Variants in LRP4 observed in about 807,000 individuals in gnomAD.
LRP4 encodes the protein low-density lipoprotein receptor-related protein 4.
In LRP4, 95 loss-of-function variants were observed where a neutral mutation model predicts 220.3. That is an observed-to-expected ratio of 0.43 (90% CI 0.37 to 0.51). The LOEUF is 0.51. LRP4 is among the 20% of genes least tolerant of loss of function. The pLI, the probability that LRP4 is intolerant of heterozygous loss-of-function variation, is 0.00. For missense variants in LRP4, 1,925 were observed against 2,567.0 expected (o/e 0.75, Z 5.40); for synonymous variants, 903 against 954.6 (o/e 0.95, Z 1.00).
At chr11:46,912,156 T>A (rs1417514550) in intron 1 of LRP4, among the ~76,000 whole-genome samples, 1 of 152,208 alleles carries the variant, frequency 6.6e-6, no homozygotes, top group Admixed American at 6.5e-5. Context: ...ACCTGGCCAA[T>A]GTAAGACGGG....
rs543249288 is a variant in LRP4, at chr11:46,866,102, T to C, written c.5088-916A>G. 3.1e-4 allele frequency among the ~76,000 whole-genome samples: 46 copies of C among 150,230 alleles called. 2 individuals are homozygous for C. The highest frequency in any genetic ancestry group is 1.1e-3 in the African/African-American group (43 of 40,888). ...TGTTAACTACCTTGTAAGCTACTGA[T>C]GATATTAAAAATAAAGAGACCAGTA... On this transcript the variant is annotated intron_variant, in intron 34 of 37. Transcript: ENST00000378623.
chr11:46,868,535 G>A, intron 33 of LRP4, 65 bp downstream of exon 33: 1 of 1,128,338 alleles, frequency 8.9e-7, no homozygotes, highest in East Asian at 2.3e-5. Context: ...CAGTATCAGA[G>A]GCTGCTGACT....
In LRP4 at chr11:46,865,164, G is replaced by A. The variant is rs1372975393; in HGVS notation, c.5110C>T (p.Leu1704=). 3 of 1,558,830 alleles carry A rather than the reference G, an allele frequency of 1.9e-6. No individual in the cohort carries two copies. The Admixed American group carries it at 5.7e-5, about 30-fold the overall frequency. Residue 1704 remains leucine (L), a synonymous_variant, in exon 35 of 38, where the codon CTG becomes TTG. Coordinates refer to ENST00000378623, the MANE Select transcript of LRP4 (RefSeq NM_002334.4). ...TCATTGGAACGTGCACAGAGGCCCA[G>A]CCTGGCATCCCTTTCAGAGCATCTG... ...EGRCSERDAR[L]GLCARSNDAV...
At chr11:46,891,019 T>C (rs2134840699) in intron 13 of LRP4, among the ~76,000 whole-genome samples, 1 of 152,290 alleles carries the variant, frequency 6.6e-6, no homozygotes, top group Non-Finnish European at 1.5e-5. Flanking sequence ...AATCTAGCAG[T>C]GAACAAAACA....
At position 46,918,210 on chromosome 11, in the gene LRP4, C is replaced by G; in HGVS notation, c.52+118G>C. On this transcript the variant is annotated intron_variant, in intron 1 of 37. Transcript: ENST00000378623. The surrounding 1 kb of genome is among the most constrained non-coding windows in gnomAD (Gnocchi z 6.0). ...TCTCCCCTGCACGCAGCCCCAGGGCCACGGCTAGGAGCGAGGGCGAGGGGT... is the reference window on the plus strand; with the variant it reads ...TCTCCCCTGCACGCAGCCCCAGGGCGACGGCTAGGAGCGAGGGCGAGGGGT... 1 of 1,152,126 alleles carries G rather than the reference C, an allele frequency of 8.7e-7. No homozygotes were observed. The highest frequency in any genetic ancestry group is 1.4e-5 in the South Asian group (1 of 71,498). The allele number at this position is 1,152,126 out of a possible 1,614,324, so 71.4% of individuals were successfully genotyped here.
In LRP4 at chr11:46,918,420, C is replaced by A; in HGVS notation, c.-41G>T. ...GCTCGCCCGGGGTCCCGCCGGCTCC[C>A]GCCGGACGGCGCGGCGGAGAAGCCC... On this transcript the variant is annotated 5_prime_UTR_variant, in exon 1 of 38. Coordinates refer to ENST00000378623, the MANE Select transcript of LRP4 (RefSeq NM_002334.4). This position sits in a 1 kb window ranked among gnomAD's most constrained non-coding sequence, Gnocchi z 6.0. 4.5e-6 allele frequency: 6 copies of A among 1,326,908 alleles called. No individual in the cohort carries two copies. Among genetic ancestry groups the A allele is most frequent in the Non-Finnish European group, 5.8e-6 (6 of 1,043,392 alleles). 82.2% of individuals were successfully genotyped at this position (1,326,908 alleles called of 1,614,324 possible). A position where few individuals can be genotyped will look rare whatever the true frequency, so the allele number is the denominator to read the frequency against.
At chr11:46,900,150 C>T in intron 3 of LRP4, 112 bp downstream of exon 3, 4 of 1,006,812 alleles carry the variant, frequency 4.0e-6, no homozygotes, top group Non-Finnish European at 6.3e-6. Flanking sequence ...AAGGACAGGA[C>T]AAAGTGCTGA....
intron 1 of LRP4, among the ~76,000 whole-genome samples, chr11:46,906,973 A>G (rs1565805051): frequency 6.6e-6 from 1 of 152,168 alleles, no homozygotes; most frequent in Admixed American, 6.5e-5. Context: ...TATACTCCAA[A>G]AAGCCAGCTC....
intron 1 of LRP4, among the ~76,000 whole-genome samples, chr11:46,909,105 G>A (rs1941810381): frequency 6.6e-6 from 1 of 152,112 alleles, no homozygotes; most frequent in South Asian, 2.1e-4. Context: ...GTGTCTAGCG[G>A]CACTGCTCTC....
At chr11:46,901,471 T>C (rs1209418842) in intron 2 of LRP4, among the ~76,000 whole-genome samples, 1 of 152,194 alleles carries the variant, frequency 6.6e-6, no homozygotes. Flanking sequence ...ATAATGCCTA[T>C]GAAAATGCTA....
At chr11:46,868,808 C>T (rs1208481793) in intron 32 of LRP4, 95 bp from the exon 33 acceptor site, 2 of 1,235,834 alleles carry the variant, frequency 1.6e-6, no homozygotes, top group East Asian at 2.3e-5. Context: ...GATTACCCTA[C>T]TCCCAGGGAC....
Position 46,875,799 on chromosome 11 carries a change from C to G in LRP4, c.3699+5G>C, listed in dbSNP as rs745544336. The G allele has an allele frequency of 8.1e-6, 13 of 1,613,968 alleles. No individual in the cohort carries two copies. The highest frequency in any genetic ancestry group is 1.6e-4 in the Middle Eastern group (1 of 6,084). ...CCTGGGAAGCAGCAGGGACACGGCT[C>G]TCACCTCGGTGTGGGCATCGGCCCA... On this transcript the variant is annotated splice_donor_5th_base_variant and intron_variant, in intron 26 of 37. Transcript: ENST00000378623. The surrounding 1 kb of genome is among the most constrained non-coding windows in gnomAD (Gnocchi z 4.5).
chr11:46,899,524 A>G lies in LRP4; in HGVS notation c.431-21T>C. ...CATGTCTGGGGGGATGCGATGGGAC[A>G]GCAGTTCTGAGGGGGCCCCACAGGC... On this transcript the variant is annotated intron_variant, in intron 4 of 37. Transcript: ENST00000378623. This position sits in a 1 kb window ranked among gnomAD's most constrained non-coding sequence, Gnocchi z 5.9. 6.4e-7 allele frequency: 1 copy of G among 1,558,464 alleles called. No individual in the cohort carries two copies. Among genetic ancestry groups the G allele is most frequent in the Non-Finnish European group, 8.8e-7 (1 of 1,132,082 alleles).
chr11:46,890,444 C>T lies in LRP4; in HGVS notation c.1748G>A (p.Ser583Asn), dbSNP rs761718538. 4 of 1,614,132 alleles carry T rather than the reference C, an allele frequency of 2.5e-6. No homozygotes were observed. The East Asian group carries it at 6.7e-5, about 27-fold the overall frequency. Residue 583 changes from serine (S) to asparagine (N), a missense_variant, in exon 14 of 38, where the codon AGC becomes AAC. By Grantham distance (46) the Ser-to-Asn change is conservative. This residue lies in a region of LRP4 where 269 missense variants were observed against 436.7 expected (regional missense o/e 0.62). Coordinates refer to ENST00000378623, the MANE Select transcript of LRP4 (RefSeq NM_002334.4). This position sits in a 1 kb window ranked among gnomAD's most constrained non-coding sequence, Gnocchi z 5.3. ...WGNTPRIEASSMDGSGRRIIA... is the reference protein window; with the variant it reads ...WGNTPRIEASNMDGSGRRIIA... ...GATGCGGCGTCCAGAGCCATCCATG[C>T]TGGAGGCCTCAATACGGGGGGTGTT...
At position 46,876,632 on chromosome 11, in the gene LRP4, G is replaced by A; in HGVS notation, c.3370C>T (p.Gln1124Ter). 1.2e-6 allele frequency: 2 copies of A among 1,614,210 alleles called. No homozygotes were observed. The highest frequency in any genetic ancestry group is 1.7e-6 in the Non-Finnish European group (2 of 1,180,048). The change falls in exon 25 of 38, where the codon CAG (glutamine) becomes TAG (stop). Residue 1124 changes from glutamine to a stop codon, truncating the protein, a stop_gained. Transcript: ENST00000378623. LOFTEE classifies it high-confidence loss of function. ...TCAACCGCGAGCCCATCTGTGGTCT[G>A]TAGCCCTGTGGGAAGTCAAAAGAGC... is the stretch of plus-strand genomic sequence containing the variant. The part of the protein sequence containing the change: ...QHEDIITTGL[Q>*]TTDGLAVDAI...
Position 46,859,102 on chromosome 11 carries a change from G to C in LRP4, c.5599C>G (p.Gln1867Glu). Reference sequence around the variant, plus strand: ...CTGCTACACTCAGACTGCTCTTCCTGTAACAGCTGCTCCGTCTCTGTGTCA... The same window carrying C: ...CTGCTACACTCAGACTGCTCTTCCTCTAACAGCTGCTCCGTCTCTGTGTCA... ...LDDTETEQLL[Q>E]EEQSECSSVH... Residue 1867 changes from glutamine to glutamate, a missense_variant, in exon 38 of 38, where the codon CAG becomes GAG. Physicochemically the swap from Gln to Glu is conservative, Grantham distance 29 (BLOSUM62 2). Around this residue, in one of 3 missense-constraint regions of LRP4, gnomAD observed 1,244 missense variants for 1,624.9 expected, o/e 0.77. Coordinates refer to ENST00000378623, the MANE Select transcript of LRP4 (RefSeq NM_002334.4). The C allele has an allele frequency of 6.2e-7, 1 of 1,614,156 alleles. No homozygotes were observed. Among genetic ancestry groups the C allele is most frequent in the Non-Finnish European group, 8.5e-7 (1 of 1,180,032 alleles).
In LRP4 at chr11:46,881,847, T is replaced by C; in HGVS notation, c.2669A>G (p.Asp890Gly). 6.2e-7 allele frequency: 1 copy of C among 1,614,154 alleles called. No homozygotes were observed. The highest frequency in any genetic ancestry group is 8.5e-7 in the Non-Finnish European group (1 of 1,180,004). The change falls in exon 20 of 38, where the codon GAT becomes GGT. Residue 890 changes from aspartate (D) to glycine (G), a missense_variant. Asp to Gly is a moderately conservative substitution (Grantham distance 94). Transcript: ENST00000378623. Reference sequence around the variant, plus strand: ...GATAATGACTTGGCGGCCTGAGGCATCCATGCCAGCTCGTTCAATCTTGGG... The same window carrying C: ...GATAATGACTTGGCGGCCTGAGGCACCCATGCCAGCTCGTTCAATCTTGGG... ...ASPKIERAGM[D>G]ASGRQVIISS...
chr11:46,905,438 TG>T (rs1941744314), intron 1 of LRP4, among the ~76,000 whole-genome samples: 1 of 152,222 alleles, frequency 6.6e-6, no homozygotes. Flanking sequence ...GGATCTCAAC[TG>T]GGGATATTTT....
chr11:46,886,600 G>T, intron 16 of LRP4, 67 bp from the exon 17 acceptor site: 1 of 1,326,768 alleles, frequency 7.5e-7, no homozygotes. Context: ...AGACACAGAC[G>T]CTCACCTGCG....
Sources: allele counts gnomAD v4.1 joint callset (sites outside exome capture counted in the v4.1 genomes callset), GRCh38; gene constraint gnomAD v4.1.1; regional missense constraint gnomAD v4.1.1; non-coding constraint Gnocchi (gnomAD v3.1); transcripts MANE v1.5; gene names NCBI Gene and HGNC (gene_info 2026-07-23, HGNC 2026-07-21).